Variants in CAMK1D observed in about 807,000 individuals in gnomAD.
CAMK1D encodes the protein calcium/calmodulin-dependent protein kinase type 1D.
In CAMK1D, 9 loss-of-function variants were observed where a neutral mutation model predicts 47.7. That is an observed-to-expected ratio of 0.19 (90% CI 0.11 to 0.33). The LOEUF (loss-of-function observed/expected upper bound fraction) is 0.33. Ranked by LOEUF, CAMK1D falls within the 10% of genes least tolerant of loss-of-function variation. The pLI, the probability that CAMK1D is intolerant of heterozygous loss-of-function variation, is 1.00. For synonymous variants in CAMK1D, 184 were observed against 184.9 expected (o/e 0.99, Z 0.04); for missense variants, 291 against 488.7 (o/e 0.60, Z 3.81).
intron 1 of CAMK1D, among the ~76,000 whole-genome samples, chr10:12,386,930 A>G (rs1838513653): frequency 6.6e-6 from 1 of 152,184 alleles, no homozygotes; most frequent in African/African-American, 2.4e-5. Context: ...AGCCGGGCGC[A>G]GTAGCTCACG....
rs985658385 is a variant in CAMK1D, at chr10:12,567,008, C to A, written c.224+13652C>A. On this transcript the variant is annotated intron_variant, in intron 2 of 10. Coordinates refer to ENST00000619168, the MANE Select transcript of CAMK1D (RefSeq NM_153498.4). ...ACTAGAACAGAGCTCAGAGGCCCGT[C>A]GCCGAGCCTGCAGTACAGGTTAAAC... Among the ~76,000 whole-genome samples, 4 of 152,148 alleles carry A rather than the reference C, an allele frequency of 2.6e-5. No homozygotes were observed. In the East Asian group the frequency reaches 7.7e-4, roughly 29 times the overall value.
At chr10:12,464,845 C>A (rs1039995626) in intron 1 of CAMK1D, among the ~76,000 whole-genome samples, 1 of 150,866 alleles carries the variant, frequency 6.6e-6, no homozygotes, top group Non-Finnish European at 1.5e-5. Flanking sequence ...TGATCAAATT[C>A]ATCCCAAATG....
chr10:12,705,573 G>A (rs1010190943), intron 3 of CAMK1D, among the ~76,000 whole-genome samples: 2 of 152,206 alleles, frequency 1.3e-5, no homozygotes, highest in African/African-American at 2.4e-5. Flanking sequence ...CGGTGTGTTC[G>A]TATAAAGTAT....
At chr10:12,435,977 T>C (rs918636899) in intron 1 of CAMK1D, among the ~76,000 whole-genome samples, 5 of 152,092 alleles carry the variant, frequency 3.3e-5, no homozygotes, top group Admixed American at 6.5e-5. Flanking sequence ...CAGAATGGGG[T>C]GGTGGGGACA....
intron 2 of CAMK1D, among the ~76,000 whole-genome samples, chr10:12,632,710 TTTTTTA>T (rs1839414731): frequency 6.6e-6 from 1 of 152,140 alleles, no homozygotes; most frequent in African/African-American, 2.4e-5. Flanking sequence ...TGTTTTTTCT[TTTTTTA>T]GACAGTCTCA....
At chr10:12,395,063 TAA>T (rs371088931) in intron 1 of CAMK1D, among the ~76,000 whole-genome samples, 1 of 124,958 alleles carries the variant, frequency 8.0e-6, no homozygotes, top group African/African-American at 3.2e-5. Context: ...TTTAAAATTT[TAA>T]TTTTTTTTTT....
chr10:12,430,830 A>C (rs1335941853), intron 1 of CAMK1D, among the ~76,000 whole-genome samples: 1 of 152,098 alleles, frequency 6.6e-6, no homozygotes, highest in Non-Finnish European at 1.5e-5. Flanking sequence ...AGCTCACTGC[A>C]ACCTCTGCCT....
At chr10:12,496,871 C>G (rs1236416634) in intron 1 of CAMK1D, among the ~76,000 whole-genome samples, 1 of 152,174 alleles carries the variant, frequency 6.6e-6, no homozygotes, top group African/African-American at 2.4e-5. Flanking sequence ...GCTATTTTCC[C>G]TAATGCTCTC....
intron 1 of CAMK1D, among the ~76,000 whole-genome samples, chr10:12,548,942 G>A (rs763121917): frequency 1.3e-4 from 20 of 151,106 alleles, no homozygotes; most frequent in Non-Finnish European, 2.7e-4. Context: ...TGCAACCTCC[G>A]CCTCCTGGGC....
intron 2 of CAMK1D, among the ~76,000 whole-genome samples, chr10:12,580,338 CTTT>C (rs5783277): frequency 1.2e-4 from 14 of 120,686 alleles, no homozygotes; most frequent in Non-Finnish European, 1.2e-4. Flanking sequence ...CCCTTCCTTC[CTTT>C]TTTTTTTTTT....
chr10:12,441,600 G>C (rs1257721064), intron 1 of CAMK1D, among the ~76,000 whole-genome samples: 1 of 150,448 alleles, frequency 6.6e-6, no homozygotes, highest in Admixed American at 6.6e-5. Flanking sequence ...ATCACTGGAG[G>C]CCAGGAGTTC....
rs1355503203 is a variant in CAMK1D, at chr10:12,520,521, C to T, written c.93-32704C>T. 5.5e-5 allele frequency among the ~76,000 whole-genome samples: 3 copies of T among 54,518 alleles called. 1 individual carries two copies. The highest frequency in any genetic ancestry group is 2.2e-4 in the African/African-American group (3 of 13,372). 35.8% of individuals were successfully genotyped at this position (54,518 alleles called of 152,430 possible). A position where few individuals can be genotyped will look rare whatever the true frequency, so the allele number is the denominator to read the frequency against. ...GCAGAGACGCTCCTCACTTCCCAGA[C>T]GGGGTGGCGGCCGGGCAGAGGCTGC... On this transcript the variant is annotated intron_variant, in intron 1 of 10. Coordinates refer to ENST00000619168, the MANE Select transcript of CAMK1D (RefSeq NM_153498.4).
intron 2 of CAMK1D, among the ~76,000 whole-genome samples, chr10:12,554,161 C>G (rs1310960277): frequency 6.6e-6 from 1 of 151,628 alleles, no homozygotes; most frequent in African/African-American, 2.4e-5. Flanking sequence ...CTCCCCTCTC[C>G]TCTCCTTTCC....
At chr10:12,777,363 CTTTTT>C (rs869192068) in intron 5 of CAMK1D, among the ~76,000 whole-genome samples, 1 of 88,524 alleles carries the variant, frequency 1.1e-5, no homozygotes, top group East Asian at 3.2e-4. Context: ...TTTGGTTGAA[CTTTTT>C]TTTTTTTTTT....
chr10:12,400,461 C>T (rs1363849215), intron 1 of CAMK1D, among the ~76,000 whole-genome samples: 1 of 152,148 alleles, frequency 6.6e-6, no homozygotes, highest in African/African-American at 2.4e-5. Context: ...GATAAAAGAC[C>T]TCAGAAGAGG....
intron 3 of CAMK1D, among the ~76,000 whole-genome samples, chr10:12,667,212 G>A (rs1056339577): frequency 1.1e-4 from 16 of 152,308 alleles, no homozygotes; most frequent in East Asian, 1.9e-4. Context: ...CAGGGATGCC[G>A]GGGGAGGGAA....
At chr10:12,765,958 CTT>C (rs147498267) in intron 4 of CAMK1D, among the ~76,000 whole-genome samples, 30,971 of 84,952 alleles carry the variant, frequency 0.36, 3,321 homozygotes, top group East Asian at 0.46. Context: ...CCATCCTAAT[CTT>C]TTTTTTTTTT....
rs144719876 is a variant in CAMK1D, at chr10:12,355,488, G to A, written c.92+5578G>A. On this transcript the variant is annotated intron_variant, in intron 1 of 10. Coordinates refer to ENST00000619168, the MANE Select transcript of CAMK1D (RefSeq NM_153498.4). Reference sequence around the variant, plus strand: ...TGTGTGTGTGTGTGCGCGCGCGTGCGTGTGTATGTGTGTGTGGTGGGGGAG... The same window carrying A: ...TGTGTGTGTGTGTGCGCGCGCGTGCATGTGTATGTGTGTGTGGTGGGGGAG... 9.1e-4 allele frequency among the ~76,000 whole-genome samples: 134 copies of A among 146,668 alleles called. 1 individual carries two copies. In the South Asian group the frequency reaches 0.016, roughly 17 times the overall value.
At chr10:12,632,883 C>T (rs1164397163) in intron 2 of CAMK1D, among the ~76,000 whole-genome samples, 6 of 151,992 alleles carry the variant, frequency 3.9e-5, no homozygotes, top group South Asian at 2.1e-4. Context: ...TTAATAGAGA[C>T]GAGGTTTCAC....
Sources: allele counts gnomAD v4.1 joint callset (sites outside exome capture counted in the v4.1 genomes callset), GRCh38; gene constraint gnomAD v4.1.1; transcripts MANE v1.5; gene names NCBI Gene and HGNC (gene_info 2026-07-23, HGNC 2026-07-21).